The following TTC7B variants were observed in gnomAD, a reference collection of about 807,000 sequenced individuals.
TTC7B encodes the protein tetratricopeptide repeat protein 7B.
A neutral mutation model predicts 106.8 loss-of-function variants in TTC7B; 28 were observed. The ratio of observed to expected loss-of-function variants is 0.26; its 90% CI spans 0.19 to 0.36. The LOEUF (loss-of-function observed/expected upper bound fraction) is 0.36. TTC7B is among the 10% of genes least tolerant of loss of function. The pLI, the probability that TTC7B is intolerant of heterozygous loss-of-function variation, is 1.00. For missense variants in TTC7B, 862 were observed against 1,076.4 expected, an observed-to-expected ratio of 0.80 and a Z score of 2.79; for synonymous variants, 405 against 430.6, an observed-to-expected ratio of 0.94 and a Z score of 0.74.
Position 90,525,724 on chromosome 14 carries a change from CG to C in TTC7B, c.*15643del, listed in dbSNP as rs961554358. On this transcript the variant is annotated 3_prime_UTR_variant, in exon 20 of 20. Coordinates refer to ENST00000328459, the MANE Select transcript of TTC7B (RefSeq NM_001010854.2). ...CAACCCAGTTGACTAATATTTGGGT[CG>C]GTGGAGCCCGAATAATACAATAAGA... 1 of 148,784 alleles carries C rather than the reference CG, an allele frequency of 6.7e-6. No individual in the cohort carries two copies. The highest frequency in any genetic ancestry group is 6.7e-5 in the Admixed American group (1 of 14,954). 9.2% of individuals were successfully genotyped at this position (148,784 alleles called of 1,614,324 possible).
chr14:90,814,674 G>C lies in TTC7B; in HGVS notation c.121+1501C>G, dbSNP rs531674330. ...TACACCGCTGGGAAGCCACAAAGTA[G>C]ACCCAGGACTGTGCAACTCCGAGAG... On this transcript the variant is annotated intron_variant, in intron 1 of 19. Transcript: ENST00000328459. Among the ~76,000 whole-genome samples, 194 of 152,332 alleles carry C rather than the reference G, an allele frequency of 1.3e-3. 1 individual carries two copies. Among genetic ancestry groups the C allele is most frequent in the Middle Eastern group, 3.4e-3 (1 of 292 alleles).
intron 15 of TTC7B, among the ~76,000 whole-genome samples, chr14:90,627,917 T>C (rs545712482): frequency 1.8e-4 from 28 of 152,334 alleles, no homozygotes; most frequent in South Asian, 6.2e-4. Flanking sequence ...CAGGTGCAAC[T>C]GAAAACACCT....
chr14:90,577,880 G>A lies in TTC7B; in HGVS notation c.2310+226C>T, dbSNP rs913306760. 1.3e-5 allele frequency among the ~76,000 whole-genome samples: 2 copies of A among 152,270 alleles called. No homozygotes were observed. The highest frequency in any genetic ancestry group is 4.8e-5 in the African/African-American group (2 of 41,478). On this transcript the variant is annotated intron_variant, in intron 19 of 19. Transcript: ENST00000328459. The surrounding 1 kb of genome is among the most constrained non-coding windows in gnomAD (Gnocchi z 5.0). Reference sequence around the variant, plus strand: ...AGGAGACCACAGCACCTAACAGGATGTCGGGTAGGGCTGCTGAGGCTATAC... The same window carrying A: ...AGGAGACCACAGCACCTAACAGGATATCGGGTAGGGCTGCTGAGGCTATAC...
At chr14:90,768,780 A>T (rs1890769463) in intron 3 of TTC7B, among the ~76,000 whole-genome samples, 1 of 152,270 alleles carries the variant, frequency 6.6e-6, no homozygotes, top group Non-Finnish European at 1.5e-5. Flanking sequence ...GATCTCAATA[A>T]AAGTGAATAC....
At chr14:90,542,503 C>T (rs945052166) in intron 19 of TTC7B, among the ~76,000 whole-genome samples, 42 of 152,158 alleles carry the variant, frequency 2.8e-4, no homozygotes, top group Non-Finnish European at 5.4e-4. Flanking sequence ...CCAATGGACA[C>T]TCTCACTTTC....
At chr14:90,735,532 T>C (rs1045708236) in intron 4 of TTC7B, among the ~76,000 whole-genome samples, 2 of 150,066 alleles carry the variant, frequency 1.3e-5, no homozygotes, top group African/African-American at 4.9e-5. Context: ...ATCCTATTCA[T>C]AAAGCAATAA....
At chr14:90,556,718 C>T (rs184815818) in intron 19 of TTC7B, among the ~76,000 whole-genome samples, 2 of 152,176 alleles carry the variant, frequency 1.3e-5, no homozygotes, top group Non-Finnish European at 2.9e-5. Flanking sequence ...GAAGCCAGTG[C>T]CCCTGCACTT....
At chr14:90,810,877 G>A (rs890781477) in intron 1 of TTC7B, among the ~76,000 whole-genome samples, 9 of 152,240 alleles carry the variant, frequency 5.9e-5, no homozygotes, top group African/African-American at 1.4e-4. Flanking sequence ...GTCAAATAGC[G>A]TGAGCAAAGG....
intron 19 of TTC7B, among the ~76,000 whole-genome samples, chr14:90,542,986 C>T (rs74081224): frequency 0.015 from 2,353 of 152,308 alleles, 58 homozygotes; most frequent in African/African-American, 0.054. Context: ...GTCACCTACC[C>T]CCTTCTATCA....
intron 3 of TTC7B, among the ~76,000 whole-genome samples, chr14:90,755,228 G>T (rs1050941928): frequency 1.4e-4 from 21 of 152,152 alleles, no homozygotes; most frequent in African/African-American, 4.3e-4. Context: ...ATACACCTAG[G>T]GACGGAATTA....
At chr14:90,582,493 C>T (rs954617476) in intron 18 of TTC7B, among the ~76,000 whole-genome samples, 1 of 152,220 alleles carries the variant, frequency 6.6e-6, no homozygotes, top group African/African-American at 2.4e-5. Flanking sequence ...TGAGCATTTT[C>T]CTGCCACATC....
intron 19 of TTC7B, among the ~76,000 whole-genome samples, chr14:90,568,033 A>C (rs1890872330): frequency 6.6e-6 from 1 of 152,194 alleles, no homozygotes; most frequent in Admixed American, 6.5e-5. Flanking sequence ...TGGGACCAGC[A>C]CCAAATGGTG....
At chr14:90,710,035 T>C (rs995849786) in intron 5 of TTC7B, among the ~76,000 whole-genome samples, 2 of 145,812 alleles carry the variant, frequency 1.4e-5, no homozygotes, top group African/African-American at 5.1e-5. Context: ...CTGTCAATAT[T>C]TTGGATAAAC....
chr14:90,627,182 C>A (rs1343585747), intron 15 of TTC7B, among the ~76,000 whole-genome samples: 1 of 152,050 alleles, frequency 6.6e-6, no homozygotes, highest in African/African-American at 2.4e-5. Context: ...ATGGGGGTCT[C>A]ATTATGTTGC....
intron 17 of TTC7B, among the ~76,000 whole-genome samples, chr14:90,606,282 C>T (rs1200677438): frequency 1.3e-5 from 2 of 152,102 alleles, no homozygotes; most frequent in African/African-American, 4.8e-5. Context: ...TTGGGGTGTG[C>T]TGGTTGGGCA....
intron 1 of TTC7B, among the ~76,000 whole-genome samples, chr14:90,797,880 G>A (rs565478318): frequency 3.3e-5 from 5 of 152,244 alleles, no homozygotes; most frequent in African/African-American, 9.6e-5. Flanking sequence ...CAGCAGGACC[G>A]TGCACCCATA....
intron 5 of TTC7B, among the ~76,000 whole-genome samples, chr14:90,703,216 T>C (rs1342540105): frequency 6.6e-6 from 1 of 152,150 alleles, no homozygotes; most frequent in Non-Finnish European, 1.5e-5. Flanking sequence ...GCCAACAATA[T>C]TCGTTTTTAA....
At chr14:90,586,603 C>T (rs1437042160) in intron 18 of TTC7B, among the ~76,000 whole-genome samples, 5 of 152,242 alleles carry the variant, frequency 3.3e-5, no homozygotes. Flanking sequence ...GGGGCTCAGT[C>T]TCAGTCTGGC....
chr14:90,699,083 A>C, intron 5 of TTC7B: 1 of 440,004 alleles, frequency 2.3e-6, no homozygotes, highest in South Asian at 1.6e-5. Context: ...GATAGGTTCC[A>C]GTTCCCCCTT....
Sources: allele counts gnomAD v4.1 joint callset (sites outside exome capture counted in the v4.1 genomes callset), GRCh38; gene constraint gnomAD v4.1.1; non-coding constraint Gnocchi (gnomAD v3.1); transcripts MANE v1.5; gene names NCBI Gene and HGNC (gene_info 2026-07-23, HGNC 2026-07-21).